Variants in DNAH1 observed in about 807,000 individuals in gnomAD.
DNAH1 encodes axonemal beta dynein heavy chain 1.
A neutral mutation model predicts 484.3 loss-of-function variants in DNAH1; 327 were observed. The ratio of observed to expected loss-of-function variants is 0.68; its 90% CI spans 0.62 to 0.74. The LOEUF (loss-of-function observed/expected upper bound fraction) is 0.74. Among genes scored for constraint, DNAH1 ranks in the 30% least tolerant of loss-of-function variants. The pLI, the probability that DNAH1 is intolerant of heterozygous loss-of-function variation, is 0.00. For synonymous variants in DNAH1, 2,192 were observed against 2,191.9 expected, an observed-to-expected ratio of 1.00 and a Z score of 0.00; for missense variants, 5,052 against 5,546.8, an observed-to-expected ratio of 0.91 and a Z score of 2.83.
At position 52,331,148 on chromosome 3, in the gene DNAH1, A is replaced by G. The variant is rs1244507813; in HGVS notation, c.872A>G (p.Glu291Gly). 13 of 1,588,210 alleles carry G rather than the reference A, an allele frequency of 8.2e-6. No individual in the cohort carries two copies. The highest frequency in any genetic ancestry group is 1.8e-5 in the Admixed American group (1 of 55,748). The change falls in exon 7 of 78, where the codon GAG (glutamate) becomes GGG (glycine). Residue 291 changes from glutamate to glycine, a missense_variant and splice_region_variant. By Grantham distance (98) the Glu-to-Gly change is moderately conservative. This residue lies in a region of DNAH1 where 1,263 missense variants were observed against 1,218.8 expected (regional missense o/e 1.04). Transcript: ENST00000420323. ...GGTGGAGTTTCTCCTCCTGTTTCAG[A>G]GGACCCCAAGAGTCAGAAGCTGAAG... ...LLPTDDFLGH[E>G]DPKSQKLKYK... is the part of the protein sequence containing the mutation.
rs1202710087 is a variant in DNAH1, at chr3:52,351,158, G to A, written c.2729+568G>A. 7.2e-5 allele frequency among the ~76,000 whole-genome samples: 11 copies of A among 152,348 alleles called. No homozygotes were observed. In the East Asian group the frequency reaches 2.1e-3, roughly 29 times the overall value. ...AGCCACCGCGCCCAGCCTGACACAC[G>A]TATTTTACTGTGGACCTAGGGTTTC... On this transcript the variant is annotated intron_variant, in intron 16 of 77. Transcript: ENST00000420323.
intron 54 of DNAH1, 90 bp from the exon 55 acceptor site, chr3:52,386,070 C>G: frequency 2.1e-6 from 3 of 1,414,674 alleles, no homozygotes; most frequent in Non-Finnish European, 2.8e-6. Flanking sequence ...CCTTGGAGAA[C>G]AGGGCACCCC....
intron 70 of DNAH1, 22 bp from the exon 71 acceptor site, chr3:52,396,346 C>T (rs1704623845): frequency 6.4e-7 from 1 of 1,557,710 alleles, no homozygotes. Context: ...TCTCAATGCT[C>T]ACGTGGAGCC....
chr3:52,327,392 C>A (rs1048635649), intron 5 of DNAH1, among the ~76,000 whole-genome samples: 1 of 152,176 alleles, frequency 6.6e-6, no homozygotes, highest in African/African-American at 2.4e-5. Flanking sequence ...CTCTGCGGCC[C>A]TGAGTGTCTC....
At position 52,356,720 on chromosome 3, in the gene DNAH1, A is replaced by G; in HGVS notation, c.3800A>G (p.Tyr1267Cys). Residue 1267 changes from tyrosine to cysteine, a missense_variant, in exon 22 of 78, where the codon TAC becomes TGC. Tyr to Cys is a radical substitution (Grantham distance 194). This residue lies in a region of DNAH1 where 2,929 missense variants were observed against 3,409.4 expected (regional missense o/e 0.86). Coordinates refer to ENST00000420323, the MANE Select transcript of DNAH1 (RefSeq NM_015512.5). The stretch of plus-strand genomic sequence containing the variant: ...CAGCTGCCTGTGGAGAGCAAGCGCT[A>G]CCAGACCATGGAGCGGATCTGGAAG... ...NQQLPVESKR[Y>C]QTMERIWKKI... The G allele has an allele frequency of 6.2e-7, 1 of 1,613,882 alleles. No homozygotes were observed.
At position 52,388,761 on chromosome 3, in the gene DNAH1, C is replaced by T. The variant is rs764216119; in HGVS notation, c.9364-45C>T. On this transcript the variant is annotated intron_variant, in intron 58 of 77. Transcript: ENST00000420323. Reference sequence around the variant, plus strand: ...AGTGGGTAGGGCCAGCCCCAGGCCCCTAGCCCAGCCTCCCAGAGCCCACCC... The same window carrying T: ...AGTGGGTAGGGCCAGCCCCAGGCCCTTAGCCCAGCCTCCCAGAGCCCACCC... 3.7e-6 allele frequency: 6 copies of T among 1,609,756 alleles called. No individual in the cohort carries two copies. In the East Asian group the frequency reaches 1.1e-4, roughly 30 times the overall value.
chr3:52,312,394 C>T (rs1700804461), upstream of DNAH1, among the ~76,000 whole-genome samples: 1 of 151,696 alleles, frequency 6.6e-6, no homozygotes, highest in Admixed American at 6.6e-5. Flanking sequence ...AGAGTCACTG[C>T]TTAGGTTTGG....
At chr3:52,344,355 G>C in intron 8 of DNAH1, 135 bp from the exon 9 acceptor site, 1 of 1,070,386 alleles carries the variant, frequency 9.3e-7, no homozygotes, top group East Asian at 2.7e-5. Context: ...GGCCGGGTGG[G>C]GGTGTGCCCA....
intron 8 of DNAH1, among the ~76,000 whole-genome samples, chr3:52,337,399 T>C (rs1578094977): frequency 6.6e-6 from 1 of 152,208 alleles, no homozygotes. Flanking sequence ...TTTTATTATT[T>C]CCGTTTGCCT....
rs1359008568 is a variant in DNAH1, at chr3:52,362,111, T to A, written c.4981-277T>A. Among the ~76,000 whole-genome samples the A allele has an allele frequency of 2.0e-5, 3 of 152,154 alleles. No individual in the cohort carries two copies. Among genetic ancestry groups the A allele is most frequent in the Non-Finnish European group, 2.9e-5 (2 of 68,016 alleles). On this transcript the variant is annotated intron_variant, in intron 30 of 77. Transcript: ENST00000420323. The surrounding 1 kb of genome is among the most constrained non-coding windows in gnomAD (Gnocchi z 5.1). The stretch of plus-strand genomic sequence containing the variant: ...TTCCCCTAGTCAGGCTGAGCTTGGC[T>A]GGAGCTGGGGAATTGGGGGTGGAGC...
chr3:52,347,148 G>C lies in DNAH1; in HGVS notation c.1955+378G>C, dbSNP rs1165829606. ...TGGCAGGGGCCATGATAGACACTGG[G>C]GGTGGGTCAGGGAGGAGGTGGCATC... On this transcript the variant is annotated intron_variant, in intron 11 of 77. Coordinates refer to ENST00000420323, the MANE Select transcript of DNAH1 (RefSeq NM_015512.5). Among the ~76,000 whole-genome samples, 3 of 152,306 alleles carry C rather than the reference G, an allele frequency of 2.0e-5. No individual in the cohort carries two copies. In the East Asian group the frequency reaches 5.8e-4, roughly 29 times the overall value.
At chr3:52,377,798 G>A (rs1703668355) in intron 46 of DNAH1, among the ~76,000 whole-genome samples, 2 of 150,796 alleles carry the variant, frequency 1.3e-5, no homozygotes, top group South Asian at 2.1e-4. Flanking sequence ...CCGTAAAATC[G>A]CCCCCAAGCC....
chr3:52,333,177 T>C (rs550160869), intron 8 of DNAH1, among the ~76,000 whole-genome samples: 1 of 152,312 alleles, frequency 6.6e-6, no homozygotes, highest in East Asian at 1.9e-4. Flanking sequence ...TGAGCCATCA[T>C]GCCCGGCTGG....
rs1701410438 is a variant in DNAH1, at chr3:52,327,948, G to C, written c.805G>C (p.Gly269Arg). Residue 269 changes from glycine (G) to arginine (R), a missense_variant, in exon 6 of 78, where the codon GGG (glycine) becomes CGG (arginine). Gly to Arg is a moderately radical substitution (Grantham distance 125). This residue lies in a region of DNAH1 where 1,263 missense variants were observed against 1,218.8 expected (regional missense o/e 1.04). Transcript: ENST00000420323. ...GTGGATCAACATGGGCTTGGAGCCA[G>C]GGTCTCTGGACAGGAAACCTGTCCC... Reference protein sequence around the residue: ...REWINMGLEPGSLDRKPVPGK... With the variant: ...REWINMGLEPRSLDRKPVPGK... The C allele has an allele frequency of 6.2e-7, 1 of 1,613,998 alleles. No homozygotes were observed. Among genetic ancestry groups the C allele is most frequent in the Non-Finnish European group, 8.5e-7 (1 of 1,179,840 alleles).
rs1430576152 is a variant in DNAH1 at position 52,381,526 on chromosome 3, A to G, written c.7609-114A>G. ...GCAGCTGGCCGGGTCACAGGTGGTCAAGGCACCTGTGCTTCTCAGTCAGGA... is the reference window on the plus strand; with the variant it reads ...GCAGCTGGCCGGGTCACAGGTGGTCGAGGCACCTGTGCTTCTCAGTCAGGA... On this transcript the variant is annotated intron_variant, in intron 48 of 77. Transcript: ENST00000420323. This position sits in a 1 kb window ranked among gnomAD's most constrained non-coding sequence, Gnocchi z 4.1. 2 of 994,092 alleles carry G rather than the reference A, an allele frequency of 2.0e-6. No homozygotes were observed. The highest frequency in any genetic ancestry group is 1.6e-5 in the African/African-American group (1 of 60,936). The allele number at this position is 994,092 out of a possible 1,614,324, so 61.6% of individuals were successfully genotyped here.
At chr3:52,372,127 C>CCTAT in intron 42 of DNAH1, 41 bp downstream of exon 42, 1 of 1,610,944 alleles carries the variant, frequency 6.2e-7, no homozygotes, top group Non-Finnish European at 8.5e-7. Context: ...GTCCCCAAGG[C>CCTAT]CTATATTGGG....
chr3:52,372,093 A>AC lies in DNAH1; in HGVS notation c.6666+14dup, dbSNP rs758516526. 23 of 1,611,706 alleles carry AC rather than the reference A, an allele frequency of 1.4e-5. No individual in the cohort carries two copies. The highest frequency in any genetic ancestry group is 1.3e-5 in the African/African-American group (1 of 74,654). The stretch of plus-strand genomic sequence containing the variant: ...GCTCACCAACAAGAAGCCCGTGAGC[A>AC]CCCCCCCAGGCCCTGCCTCCACTGT... On this transcript the variant is annotated splice_region_variant and intron_variant, in intron 42 of 77. Coordinates refer to ENST00000420323, the MANE Select transcript of DNAH1 (RefSeq NM_015512.5).
In DNAH1 at chr3:52,391,170, C is replaced by T; in HGVS notation, c.9742-9C>T. The T allele has an allele frequency of 6.2e-7, 1 of 1,613,778 alleles. No individual in the cohort carries two copies. Among genetic ancestry groups the T allele is most frequent in the Non-Finnish European group, 8.5e-7 (1 of 1,179,732 alleles). On this transcript the variant is annotated splice_polypyrimidine_tract_variant and intron_variant, in intron 61 of 77. Coordinates refer to ENST00000420323, the MANE Select transcript of DNAH1 (RefSeq NM_015512.5). ...CCCTGCAACCCCTTCTTTTCCCCTT[C>T]CCTTACAGGAGAAGGACAATGGGCT... is the stretch of plus-strand genomic sequence containing the variant.
At position 52,368,721 on chromosome 3, in the gene DNAH1, T is replaced by C. The variant is rs1310082008; in HGVS notation, c.5766-20T>C. The stretch of plus-strand genomic sequence containing the variant: ...ACCGCCTCCCTGATGTTTCCAGCCC[T>C]CTCCTCCCTGGCGCTGCAGGACAGA... On this transcript the variant is annotated intron_variant, in intron 36 of 77. Coordinates refer to ENST00000420323, the MANE Select transcript of DNAH1 (RefSeq NM_015512.5). The surrounding 1 kb of genome is among the most constrained non-coding windows in gnomAD (Gnocchi z 4.4). 8 of 1,605,506 alleles carry C rather than the reference T, an allele frequency of 5.0e-6. No individual in the cohort carries two copies. The highest frequency in any genetic ancestry group is 1.7e-5 in the Admixed American group (1 of 59,878).
Sources: allele counts gnomAD v4.1 joint callset (sites outside exome capture counted in the v4.1 genomes callset), GRCh38; gene constraint gnomAD v4.1.1; regional missense constraint gnomAD v4.1.1; non-coding constraint Gnocchi (gnomAD v3.1); transcripts MANE v1.5; gene names NCBI Gene and HGNC (gene_info 2026-07-23, HGNC 2026-07-21).